The following KIAA0513 variants were observed in gnomAD, a reference collection of about 807,000 sequenced individuals.
KIAA0513 encodes KIAA0513.
KIAA0513 carries 39 observed loss-of-function variants against 56.5 expected under a neutral mutation model. The observed-to-expected ratio is 0.69, with a 90% CI of 0.53 to 0.90. The LOEUF is 0.90. Among genes scored for constraint, KIAA0513 ranks in the 40% least tolerant of loss-of-function variants. KIAA0513 has a pLI of 0.00. For synonymous variants in KIAA0513, 268 were observed against 215.6 expected, an observed-to-expected ratio of 1.24 and a Z score of -2.13; for missense variants, 591 against 535.2, an observed-to-expected ratio of 1.10 and a Z score of -1.03.
intron 2 of KIAA0513, 95 bp downstream of exon 2, chr16:85,067,495 A>AC: frequency 2.1e-6 from 2 of 973,388 alleles, no homozygotes; most frequent in Non-Finnish European, 3.0e-6. Flanking sequence ...CCAGGGTGCC[A>AC]CCTGGGACCA....
chr16:85,072,650 G>A (rs2073594600), intron 3 of KIAA0513, among the ~76,000 whole-genome samples: 1 of 152,206 alleles, frequency 6.6e-6, no homozygotes. Flanking sequence ...CTTTCTGTGT[G>A]TGGGTGTGTA....
chr16:85,057,586 G>T (rs1206831342), intron 1 of KIAA0513, among the ~76,000 whole-genome samples: 1 of 152,080 alleles, frequency 6.6e-6, no homozygotes, highest in East Asian at 1.9e-4. Flanking sequence ...TTCCAGTCCC[G>T]GGAATACTGC....
chr16:85,030,088 T>C (rs1200638712), intron 1 of KIAA0513, among the ~76,000 whole-genome samples: 1 of 152,178 alleles, frequency 6.6e-6, no homozygotes, highest in East Asian at 1.9e-4. Context: ...CATCCTTCTC[T>C]TCCACCACCT....
chr16:85,091,542 T>C lies in KIAA0513; in HGVS notation c.*3217T>C, dbSNP rs1332332421. 1 of 152,188 alleles carries C rather than the reference T, an allele frequency of 6.6e-6. No homozygotes were observed. The highest frequency in any genetic ancestry group is 1.5e-5 in the Non-Finnish European group (1 of 68,034). 9.4% of individuals were successfully genotyped at this position (152,188 alleles called of 1,614,324 possible). On this transcript the variant is annotated 3_prime_UTR_variant, in exon 13 of 13. Coordinates refer to ENST00000683363, the MANE Select transcript of KIAA0513 (RefSeq NM_001388359.1). ...GAGCTCTGTACCCAAATTAAAATCC[T>C]GATGTTCAGGTTAATCCAAGCAACA...
chr16:85,079,438 G>A (rs1458576365), intron 8 of KIAA0513: 2 of 179,884 alleles, frequency 1.1e-5, no homozygotes, highest in East Asian at 1.4e-4. Context: ...TGGTCCATCC[G>A]TTGCATGGAC....
rs976626013 is a variant in KIAA0513, at chr16:85,078,409, C to T, written c.783-6C>T. On this transcript the variant is annotated splice_polypyrimidine_tract_variant and splice_region_variant and intron_variant, in intron 6 of 12. Coordinates refer to ENST00000683363, the MANE Select transcript of KIAA0513 (RefSeq NM_001388359.1). ...GTGTGTCATCATTGTGCCTTCTCTC[C>T]CTCAGGGAAGACGAGAACAAACCCC... is the stretch of plus-strand genomic sequence containing the variant. 1 of 1,614,014 alleles carries T rather than the reference C, an allele frequency of 6.2e-7. No homozygotes were observed. The highest frequency in any genetic ancestry group is 1.7e-5 in the Admixed American group (1 of 60,024).
chr16:85,059,274 TC>T (rs1432198527), intron 1 of KIAA0513, among the ~76,000 whole-genome samples: 2 of 152,228 alleles, frequency 1.3e-5, no homozygotes. Flanking sequence ...TTGCTGTGTT[TC>T]CCTCAAAAAA....
chr16:85,085,924 A>G (rs1299124576), intron 10 of KIAA0513, among the ~76,000 whole-genome samples: 1 of 152,182 alleles, frequency 6.6e-6, no homozygotes, highest in Non-Finnish European at 1.5e-5. Context: ...ACCATGGTCC[A>G]TAGCATTCAC....
At chr16:85,061,278 C>G (rs1157461869) in intron 1 of KIAA0513, among the ~76,000 whole-genome samples, 2 of 152,204 alleles carry the variant, frequency 1.3e-5, no homozygotes, top group Admixed American at 6.5e-5. Context: ...TGCGCACACC[C>G]TTTGGCCAGC....
At chr16:85,033,447 G>T (rs1198084957) in intron 1 of KIAA0513, among the ~76,000 whole-genome samples, 3 of 152,198 alleles carry the variant, frequency 2.0e-5, no homozygotes, top group Admixed American at 1.3e-4. Flanking sequence ...GCTCATCGGC[G>T]TCCAGCAGTG....
intron 6 of KIAA0513, 25 bp from the exon 7 acceptor site, chr16:85,078,390 C>A: frequency 6.2e-7 from 1 of 1,613,772 alleles, no homozygotes. Context: ...TCGCGTGTGT[C>A]ATCATTGTGC....
intron 1 of KIAA0513, among the ~76,000 whole-genome samples, chr16:85,038,210 A>T (rs892720852): frequency 6.6e-6 from 1 of 152,118 alleles, no homozygotes; most frequent in African/African-American, 2.4e-5. Context: ...CTTGAAGAGC[A>T]TTGACTTTGC....
At chr16:85,079,046 G>A (rs573105990) in intron 8 of KIAA0513, 43 bp downstream of exon 8, 169 of 1,613,860 alleles carry the variant, frequency 1.0e-4, no homozygotes, top group Middle Eastern at 9.9e-4. Context: ...CTTACTGACG[G>A]GGCCAGCAGT....
In KIAA0513 at chr16:85,050,355, ATTTAT is replaced by A. The variant is rs773249343; in HGVS notation, c.-172-16541_-172-16537del. Among the ~76,000 whole-genome samples, 309 of 54,492 alleles carry A rather than the reference ATTTAT, an allele frequency of 5.7e-3. 1 individual carries two copies. The highest frequency in any genetic ancestry group is 0.047 in the South Asian group (80 of 1,720). 35.7% of individuals were successfully genotyped at this position (54,492 alleles called of 152,430 possible). ...TATTTATTTATTTATTTATTTATTT[ATTTAT>A]TTTTTTTGAGACGGACTCTTGTTCT... On this transcript the variant is annotated intron_variant, in intron 1 of 12. Transcript: ENST00000683363.
rs999273209 is a variant in KIAA0513 at position 85,067,541 on chromosome 16, T to G, written c.329+141T>G. On this transcript the variant is annotated intron_variant, in intron 2 of 12. Coordinates refer to ENST00000683363, the MANE Select transcript of KIAA0513 (RefSeq NM_001388359.1). ...TTCCCCATCAGCCAGGGGTGGCGACTGCAGGGGCCTCACTCCACTCCAGGC... is the reference window on the plus strand; with the variant it reads ...TTCCCCATCAGCCAGGGGTGGCGACGGCAGGGGCCTCACTCCACTCCAGGC... The G allele has an allele frequency of 6.1e-6, 4 of 658,872 alleles. No homozygotes were observed. In the African/African-American group the frequency reaches 7.3e-5, roughly 12 times the overall value. The allele number at this position is 658,872 out of a possible 1,614,324, so 40.8% of individuals were successfully genotyped here. A position where few individuals can be genotyped will look rare whatever the true frequency, so the allele number is the denominator to read the frequency against.
Position 85,029,867 on chromosome 16 carries a change from T to C in KIAA0513, c.-173+2009T>C, listed in dbSNP as rs547992556. 2.5e-4 allele frequency among the ~76,000 whole-genome samples: 38 copies of C among 152,308 alleles called. No individual in the cohort carries two copies. The East Asian group carries it at 6.4e-3, about 25-fold the overall frequency. ...ATCTTCATTATAAGCTTGGCAGTCA[T>C]GGTGGGTTTGTTATCGTTCCCATGT... On this transcript the variant is annotated intron_variant, in intron 1 of 12. Transcript: ENST00000683363.
intron 1 of KIAA0513, among the ~76,000 whole-genome samples, chr16:85,034,346 C>T (rs1320097255): frequency 6.6e-6 from 1 of 152,124 alleles, no homozygotes; most frequent in African/African-American, 2.4e-5. Context: ...CACCATTGAA[C>T]TCCAGTCTGG....
At chr16:85,049,703 G>A (rs2073222120) in intron 1 of KIAA0513, among the ~76,000 whole-genome samples, 1 of 152,144 alleles carries the variant, frequency 6.6e-6, no homozygotes, top group East Asian at 1.9e-4. Flanking sequence ...AAGTCAAGCG[G>A]ATGCCAGCAT....
chr16:85,075,488 G>C (rs73254557), intron 4 of KIAA0513, among the ~76,000 whole-genome samples: 8,801 of 152,248 alleles, frequency 0.058, 413 homozygotes, highest in East Asian at 0.23. Flanking sequence ...GAGAAATCAA[G>C]GGCTGGAGGG....
Sources: allele counts gnomAD v4.1 joint callset (sites outside exome capture counted in the v4.1 genomes callset), GRCh38; gene constraint gnomAD v4.1.1; transcripts MANE v1.5; gene names NCBI Gene and HGNC (gene_info 2026-07-23, HGNC 2026-07-21).